Variants in UBE2V2 observed in about 807,000 individuals in gnomAD.
UBE2V2 encodes ubiquitin-conjugating enzyme E2 variant 2.
Under a neutral mutation model 17.2 loss-of-function variants are expected in UBE2V2, and 9 were observed. The ratio of observed to expected loss-of-function variants is 0.52; its 90% CI spans 0.32 to 0.91. The LOEUF (loss-of-function observed/expected upper bound fraction) is 0.91. Among genes scored for constraint, UBE2V2 ranks in the 40% least tolerant of loss-of-function variants. The pLI, the probability that UBE2V2 is intolerant of heterozygous loss-of-function variation, is 0.04. For synonymous variants in UBE2V2, 61 were observed against 57.5 expected (o/e 1.06, Z -0.28); for missense variants, 133 against 182.6 (o/e 0.73, Z 1.56).
chr8:48,029,844 A>G (rs1306220298), intron 1 of UBE2V2, among the ~76,000 whole-genome samples: 1 of 152,224 alleles, frequency 6.6e-6, no homozygotes, highest in East Asian at 1.9e-4. Context: ...TGGCTTTCTG[A>G]CTGTGGAAGC....
rs560846177 is a variant in UBE2V2, at chr8:48,052,817, C to T, written c.291+2839C>T. Among the ~76,000 whole-genome samples the T allele has an allele frequency of 7.9e-5, 12 of 152,324 alleles. 1 individual carries two copies. Among genetic ancestry groups the T allele is most frequent in the South Asian group, 4.1e-4 (2 of 4,826 alleles). ...GGTGCACACTGGCCTGCATGCCTTTCGTTTGGTCTCAAGACCTTTGCACTT... is the reference window on the plus strand; with the variant it reads ...GGTGCACACTGGCCTGCATGCCTTTTGTTTGGTCTCAAGACCTTTGCACTT... On this transcript the variant is annotated intron_variant, in intron 3 of 3. Coordinates refer to ENST00000523111, the MANE Select transcript of UBE2V2 (RefSeq NM_003350.3).
intron 1 of UBE2V2, among the ~76,000 whole-genome samples, chr8:48,031,558 G>C (rs1025165183): frequency 6.6e-6 from 1 of 152,162 alleles, no homozygotes; most frequent in Non-Finnish European, 1.5e-5. Flanking sequence ...CCACACCACA[G>C]AATTGAGATA....
chr8:48,012,319 A>C (rs1229899241), intron 1 of UBE2V2, among the ~76,000 whole-genome samples: 1 of 152,208 alleles, frequency 6.6e-6, no homozygotes, highest in East Asian at 1.9e-4. Context: ...CACAGGACAG[A>C]GGTTAAGAAG....
chr8:48,043,195 ATTATATT>A lies in UBE2V2; in HGVS notation c.165+17_165+23del, dbSNP rs1386122592. The A allele has an allele frequency of 2.1e-6, 3 of 1,446,724 alleles. No individual in the cohort carries two copies. The highest frequency in any genetic ancestry group is 2.7e-6 in the Non-Finnish European group (3 of 1,092,972). 89.6% of individuals were successfully genotyped at this position (1,446,724 alleles called of 1,614,324 possible). On this transcript the variant is annotated intron_variant, in intron 2 of 3. Transcript: ENST00000523111. Reference sequence around the variant, plus strand: ...GGGCCACCAAGGGTCAGTGTTATAAATTATATTTTTTCTATTAATACTTATTGTTAAA... The same window carrying A: ...GGGCCACCAAGGGTCAGTGTTATAAATTTTCTATTAATACTTATTGTTAAA...
At chr8:48,051,586 A>G (rs1260463050) in intron 3 of UBE2V2, among the ~76,000 whole-genome samples, 1 of 152,148 alleles carries the variant, frequency 6.6e-6, no homozygotes, top group African/African-American at 2.4e-5. Context: ...GGTTTGTTCT[A>G]TGATTCTTCC....
At chr8:48,035,629 T>TGTGTG (rs1554657532) in intron 1 of UBE2V2, among the ~76,000 whole-genome samples, 2 of 133,338 alleles carry the variant, frequency 1.5e-5, no homozygotes, top group Admixed American at 8.5e-5. Context: ...GTTTTTTTTT[T>TGTGTG]TTTGTGTGTG....
chr8:48,051,373 G>A (rs2154507981), intron 3 of UBE2V2, among the ~76,000 whole-genome samples: 1 of 152,138 alleles, frequency 6.6e-6, no homozygotes, highest in African/African-American at 2.4e-5. Flanking sequence ...AGGAAATAGG[G>A]CCTCAGTATC....
chr8:48,044,421 T>C (rs1006860657), intron 2 of UBE2V2, among the ~76,000 whole-genome samples: 7 of 152,182 alleles, frequency 4.6e-5, no homozygotes, highest in Admixed American at 1.3e-4. Context: ...AATGCTGGGA[T>C]TACAGGTGTG....
chr8:48,034,400 C>T (rs533249516), intron 1 of UBE2V2, among the ~76,000 whole-genome samples: 158 of 152,308 alleles, frequency 1.0e-3, no homozygotes, highest in African/African-American at 3.5e-3. Context: ...GCTGGGATTA[C>T]AGGCGTGAGC....
At chr8:47,998,730 C>T in the UBE2V2 span, among the ~76,000 whole-genome samples, 3 of 151,524 alleles carry the variant, frequency 2.0e-5, no homozygotes, top group Non-Finnish European at 4.4e-5. Context: ...GAGCGAGAGC[C>T]GGCCAGAGTC....
chr8:48,024,961 G>A (rs2091330485), intron 1 of UBE2V2, among the ~76,000 whole-genome samples: 2 of 148,030 alleles, frequency 1.4e-5, no homozygotes, highest in Non-Finnish European at 3.0e-5. Flanking sequence ...TTTAGAACGA[G>A]TCTTGTTCTG....
intron 1 of UBE2V2, among the ~76,000 whole-genome samples, chr8:48,009,597 A>C (rs573931815): frequency 6.6e-6 from 1 of 152,020 alleles, no homozygotes; most frequent in Non-Finnish European, 1.5e-5. Context: ...TCGTTGAAAC[A>C]AGAGTATAGA....
At chr8:48,020,317 T>C (rs1477009681) in intron 1 of UBE2V2, among the ~76,000 whole-genome samples, 1 of 151,916 alleles carries the variant, frequency 6.6e-6, no homozygotes, top group Non-Finnish European at 1.5e-5. Context: ...GATTATAGGG[T>C]CTTGTTCTCT....
intron 2 of UBE2V2, among the ~76,000 whole-genome samples, chr8:48,044,842 G>C (rs780347156): frequency 6.6e-6 from 1 of 152,188 alleles, no homozygotes; most frequent in Non-Finnish European, 1.5e-5. Flanking sequence ...TTTAGATTTC[G>C]TTTTTCTCTA....
chr8:48,044,641 T>A (rs1364196763), intron 2 of UBE2V2, among the ~76,000 whole-genome samples: 1 of 152,154 alleles, frequency 6.6e-6, no homozygotes, highest in Non-Finnish European at 1.5e-5. Context: ...GGAAATATAA[T>A]GTTGATATGT....
At chr8:48,034,976 C>T in intron 1 of UBE2V2, 1 of 976,662 alleles carries the variant, frequency 1.0e-6, no homozygotes, top group Non-Finnish European at 1.2e-6. Flanking sequence ...TTCCTCACAT[C>T]CCGGTGGTGT....
At chr8:48,059,720 G>C (rs2154508295) in intron 3 of UBE2V2, among the ~76,000 whole-genome samples, 1 of 152,240 alleles carries the variant, frequency 6.6e-6, no homozygotes, top group South Asian at 2.1e-4. Flanking sequence ...CCACCTTCCT[G>C]TTTGACTCAA....
At chr8:48,022,687 TGTG>T (rs1170223372) in intron 1 of UBE2V2, among the ~76,000 whole-genome samples, 1 of 152,204 alleles carries the variant, frequency 6.6e-6, no homozygotes, top group Non-Finnish European at 1.5e-5. Flanking sequence ...AGGCAGGTCT[TGTG>T]GTGATAAACT....
chr8:48,060,022 A>G (rs1011023047), intron 3 of UBE2V2, among the ~76,000 whole-genome samples: 4 of 151,924 alleles, frequency 2.6e-5, no homozygotes, highest in Non-Finnish European at 2.9e-5. Flanking sequence ...TCTGGGCAAC[A>G]TGGTGAAACC....
Sources: gnomAD v4.1 joint callset for allele counts (sites outside exome capture counted in the v4.1 genomes callset) on GRCh38, gnomAD v4.1.1 for gene constraint, MANE v1.5 for transcripts, NCBI Gene and HGNC (gene_info 2026-07-23, HGNC 2026-07-21) for gene names.